CDH12: variants seen among roughly 807,000 people sequenced by gnomAD.
CDH12 encodes cadherin 12, also known as cadherin-12.
Under a neutral mutation model 74.1 loss-of-function variants are expected in CDH12, and 41 were observed. The ratio of observed to expected loss-of-function variants is 0.55; its 90% CI spans 0.43 to 0.72. The LOEUF (loss-of-function observed/expected upper bound fraction) is 0.72. Ranked by LOEUF, CDH12 falls within the 30% of genes least tolerant of loss-of-function variation. The pLI, the probability that CDH12 is intolerant of heterozygous loss-of-function variation, is 0.00. For missense variants in CDH12, 945 were observed against 977.2 expected (o/e 0.97, Z 0.44); for synonymous variants, 399 against 355.0 (o/e 1.12, Z -1.39).
chr5:22,400,792 A>T (rs1360658698), intron 3 of CDH12, among the ~76,000 whole-genome samples: 1 of 152,154 alleles, frequency 6.6e-6, no homozygotes, highest in East Asian at 1.9e-4. Context: ...TCTCAGGAAC[A>T]TTCTATAAAT....
chr5:22,006,201 A>T (rs1736948647), intron 5 of CDH12, among the ~76,000 whole-genome samples: 1 of 151,376 alleles, frequency 6.6e-6, no homozygotes, highest in African/African-American at 2.4e-5. Flanking sequence ...TTTTTTTAAT[A>T]TAGATGGGGG....
At chr5:22,572,647 A>G (rs984942479) in intron 1 of CDH12, among the ~76,000 whole-genome samples, 29 of 152,180 alleles carry the variant, frequency 1.9e-4, no homozygotes, top group African/African-American at 6.0e-4. Flanking sequence ...CTGTTTCTAT[A>G]TTAACATATG....
At chr5:22,701,060 T>G (rs541475519) in intron 1 of CDH12, among the ~76,000 whole-genome samples, 1 of 152,170 alleles carries the variant, frequency 6.6e-6, no homozygotes, top group Admixed American at 6.6e-5. Context: ...GTTTATACTC[T>G]TTGATTGTTA....
intron 3 of CDH12, among the ~76,000 whole-genome samples, chr5:22,285,943 A>T (rs1737114502): frequency 6.6e-6 from 1 of 152,050 alleles, no homozygotes; most frequent in Non-Finnish European, 1.5e-5. Flanking sequence ...GTATAAGATA[A>T]ATGCATATAT....
intron 1 of CDH12, among the ~76,000 whole-genome samples, chr5:22,849,376 T>C (rs1442907704): frequency 6.6e-6 from 1 of 152,104 alleles, no homozygotes. Flanking sequence ...GGATTTTTTT[T>C]GTATGTTATA....
rs576016498 is a variant in CDH12, at chr5:22,227,960, C to T, written c.-332-15317G>A. Among the ~76,000 whole-genome samples, 4 of 152,220 alleles carry T rather than the reference C, an allele frequency of 2.6e-5. No homozygotes were observed. In the East Asian group the frequency reaches 5.8e-4, roughly 22 times the overall value. On this transcript the variant is annotated intron_variant, in intron 3 of 14. Coordinates refer to ENST00000382254, the MANE Select transcript of CDH12 (RefSeq NM_004061.5). ...CACAATTCCACACCTGTCACTTTTT[C>T]CATAGGCAGTGCAGATTTAGACAGT...
intron 1 of CDH12, among the ~76,000 whole-genome samples, chr5:22,740,900 A>G (rs536543224): frequency 2.6e-5 from 4 of 152,164 alleles, no homozygotes; most frequent in Non-Finnish European, 5.9e-5. Context: ...AATGCATTAA[A>G]TGAACATTGA....
chr5:22,641,335 G>A (rs748342655), intron 1 of CDH12, among the ~76,000 whole-genome samples: 2 of 152,100 alleles, frequency 1.3e-5, no homozygotes, highest in African/African-American at 2.4e-5. Context: ...TCTGACATCC[G>A]AGGATGGAGA....
intron 1 of CDH12, among the ~76,000 whole-genome samples, chr5:22,608,990 AG>A (rs1319518724): frequency 1.3e-5 from 2 of 152,174 alleles, no homozygotes; most frequent in African/African-American, 4.8e-5. Context: ...GGAACCTGGA[AG>A]GGCATTGCTA....
rs76019346 is a variant in CDH12, at chr5:22,188,712, G to A, written c.-187+23786C>T. ...CCATTATACTCTCGCTTTGGAGCTA[G>A]GGATGTTTCATTATCCTCAATTAAA... is the stretch of plus-strand genomic sequence containing the variant. On this transcript the variant is annotated intron_variant, in intron 4 of 14. Transcript: ENST00000382254. Among the ~76,000 whole-genome samples the A allele has an allele frequency of 6.8e-3, 1,028 of 152,222 alleles. 64 individuals carry two copies. The East Asian group carries it at 0.13, about 20-fold the overall frequency.
chr5:22,303,752 C>A (rs1306143461), intron 3 of CDH12, among the ~76,000 whole-genome samples: 2 of 152,042 alleles, frequency 1.3e-5, no homozygotes, highest in East Asian at 1.9e-4. Flanking sequence ...TTGAGCTAGA[C>A]AATATGTCAA....
At chr5:22,740,402 T>A (rs1189136892) in intron 1 of CDH12, among the ~76,000 whole-genome samples, 8 of 151,860 alleles carry the variant, frequency 5.3e-5, no homozygotes, top group Non-Finnish European at 1.2e-4. Flanking sequence ...ACATATCTTC[T>A]CCAGTTATAG....
chr5:22,724,987 ATATTATCAACTTAAT>A, intron 1 of CDH12, among the ~76,000 whole-genome samples: 1 of 151,912 alleles, frequency 6.6e-6, no homozygotes, highest in East Asian at 1.9e-4. Flanking sequence ...GTAATAGGAA[ATATTATCAACTTAAT>A]TTTACTGTGT....
At chr5:22,555,727 A>C (rs1357841374) in intron 1 of CDH12, among the ~76,000 whole-genome samples, 1 of 152,050 alleles carries the variant, frequency 6.6e-6, no homozygotes, top group Non-Finnish European at 1.5e-5. Context: ...GGGCTTCCTT[A>C]AGGATTTATT....
chr5:22,770,534 T>C (rs147308556), intron 1 of CDH12, among the ~76,000 whole-genome samples: 26 of 152,294 alleles, frequency 1.7e-4, no homozygotes, highest in African/African-American at 5.8e-4. Context: ...AATGCTGACA[T>C]ATCATTAGAT....
intron 1 of CDH12, among the ~76,000 whole-genome samples, chr5:22,568,001 AAC>A (rs901593137): frequency 3.3e-5 from 5 of 152,206 alleles, no homozygotes; most frequent in Admixed American, 3.3e-4. Flanking sequence ...CAGTGTTTAC[AAC>A]ACACACAATT....
At chr5:21,867,845 T>A (rs1751411278) in intron 6 of CDH12, among the ~76,000 whole-genome samples, 1 of 152,228 alleles carries the variant, frequency 6.6e-6, no homozygotes, top group South Asian at 2.1e-4. Flanking sequence ...GAGGACATGA[T>A]ATTTAAGGGG....
intron 4 of CDH12, among the ~76,000 whole-genome samples, chr5:22,114,907 C>T (rs1347922048): frequency 1.3e-5 from 2 of 152,146 alleles, no homozygotes; most frequent in African/African-American, 2.4e-5. Context: ...GACAAAACAA[C>T]ACAGAGGATT....
At chr5:22,801,590 C>T (rs1490029540) in intron 1 of CDH12, among the ~76,000 whole-genome samples, 1 of 141,974 alleles carries the variant, frequency 7.0e-6, no homozygotes, top group East Asian at 2.1e-4. Context: ...TAACATTTCA[C>T]TTTCTGATTA....
Sources: allele counts gnomAD v4.1 joint callset (sites outside exome capture counted in the v4.1 genomes callset), GRCh38; gene constraint gnomAD v4.1.1; transcripts MANE v1.5; gene names NCBI Gene and HGNC (gene_info 2026-07-23, HGNC 2026-07-21).